Variants in SOCS7 observed in about 807,000 individuals in gnomAD.
SOCS7 encodes the protein NAP-4.
SOCS7 carries 18 observed loss-of-function variants against 58.9 expected under a neutral mutation model. That is an observed-to-expected ratio of 0.31 (90% CI 0.21 to 0.45). The LOEUF (loss-of-function observed/expected upper bound fraction) is 0.45, where lower values mean the gene tolerates loss of function less well. SOCS7 is among the 20% of genes least tolerant of loss of function. SOCS7 has a pLI of 1.00. For synonymous variants in SOCS7, 388 were observed against 364.3 expected (o/e 1.06, Z -0.74); for missense variants, 667 against 837.3 (o/e 0.80, Z 2.51).
At chr17:38,374,764 C>T (rs1461176836) in intron 6 of SOCS7, among the ~76,000 whole-genome samples, 1 of 152,206 alleles carries the variant, frequency 6.6e-6, no homozygotes, top group East Asian at 1.9e-4. Context: ...TCTTCTGAGT[C>T]AGTGCCAGAT....
chr17:38,366,132 C>T lies in SOCS7; in HGVS notation c.1253-155C>T, dbSNP rs943632418. On this transcript the variant is annotated intron_variant, in intron 4 of 9. Coordinates refer to ENST00000612932, the MANE Select transcript of SOCS7 (RefSeq NM_014598.4). ...CACACAGCTTTTTGTTCCAGCCCATCCAGCTCTTTGCCACTGCTTTGGCTT... is the reference window on the plus strand; with the variant it reads ...CACACAGCTTTTTGTTCCAGCCCATTCAGCTCTTTGCCACTGCTTTGGCTT... 3.9e-6 allele frequency: 5 copies of T among 1,280,366 alleles called. No individual in the cohort carries two copies. In the African/African-American group the frequency reaches 7.5e-5, roughly 19 times the overall value. 79.3% of individuals were successfully genotyped at this position (1,280,366 alleles called of 1,614,324 possible). A position where few individuals can be genotyped will look rare whatever the true frequency, so the allele number is the denominator to read the frequency against.
At chr17:38,387,122 T>TAA (rs2038082525) in intron 7 of SOCS7, among the ~76,000 whole-genome samples, 1 of 108,284 alleles carries the variant, frequency 9.2e-6, no homozygotes, top group Non-Finnish European at 1.7e-5. Context: ...TATATATATA[T>TAA]ATATATGTAT....
At chr17:38,375,326 C>A (rs1490136434) in intron 6 of SOCS7, among the ~76,000 whole-genome samples, 2 of 151,542 alleles carry the variant, frequency 1.3e-5, no homozygotes, top group Non-Finnish European at 2.9e-5. Flanking sequence ...CTGAGACACC[C>A]CCCTCTTCCT....
Position 38,394,869 on chromosome 17 carries a change from G to T in SOCS7, c.1682-440G>T, listed in dbSNP as rs1471937005. On this transcript the variant is annotated intron_variant, in intron 7 of 9. Transcript: ENST00000612932. ...GTTCGAGACTAGCCTGGGCAACATG[G>T]GGAAACCCCGTCTCTACTAAAAATA... 3.9e-5 allele frequency among the ~76,000 whole-genome samples: 6 copies of T among 152,190 alleles called. No homozygotes were observed. In the East Asian group the frequency reaches 9.7e-4, roughly 25 times the overall value.
intron 7 of SOCS7, among the ~76,000 whole-genome samples, chr17:38,387,624 ACAATATATTGTATATT>A (rs2038095571): frequency 4.3e-4 from 39 of 90,796 alleles, no homozygotes; most frequent in African/African-American, 3.0e-3. Flanking sequence ...TATTATATAT[ACAATATATTGTATATT>A]ATATACACTA....
chr17:38,367,052 T>G (rs1268399216), intron 5 of SOCS7, among the ~76,000 whole-genome samples: 1 of 140,622 alleles, frequency 7.1e-6, no homozygotes, highest in African/African-American at 3.3e-5. Flanking sequence ...TCTTTGTTTT[T>G]TGTTGTTGTT....
chr17:38,372,718 A>C (rs190728235), intron 6 of SOCS7, among the ~76,000 whole-genome samples: 8 of 152,334 alleles, frequency 5.3e-5, no homozygotes. Flanking sequence ...AGAACATTAC[A>C]AGAAAAATTG....
chr17:38,395,490 T>C (rs2038233478), intron 8 of SOCS7, 46 bp downstream of exon 8: 1 of 1,587,214 alleles, frequency 6.3e-7, no homozygotes. Flanking sequence ...GTAAGGGGGT[T>C]GTGGGGAGGT....
At chr17:38,389,361 G>T (rs972354195) in intron 7 of SOCS7, among the ~76,000 whole-genome samples, 2 of 152,106 alleles carry the variant, frequency 1.3e-5, no homozygotes, top group Non-Finnish European at 2.9e-5. Context: ...CTCAAGACCT[G>T]CCTGGGCAAT....
In SOCS7 at chr17:38,401,103, T is replaced by G. The variant is rs2038312754; in HGVS notation, c.*1621T>G. The G allele has an allele frequency of 6.6e-6, 1 of 152,130 alleles. No homozygotes were observed. Among genetic ancestry groups the G allele is most frequent in the South Asian group, 2.1e-4 (1 of 4,830 alleles). The allele number at this position is 152,130 out of a possible 1,614,324, so 9.4% of individuals were successfully genotyped here. A position where few individuals can be genotyped will look rare whatever the true frequency, so the allele number is the denominator to read the frequency against. The stretch of plus-strand genomic sequence containing the variant: ...GACTGCCTCATCTGGGAGCATTGCC[T>G]TCTTCCTTAGTCCCACGTGGAGTGA... On this transcript the variant is annotated 3_prime_UTR_variant, in exon 10 of 10. Coordinates refer to ENST00000612932, the MANE Select transcript of SOCS7 (RefSeq NM_014598.4).
chr17:38,382,221 G>T (rs1394754403), intron 7 of SOCS7, among the ~76,000 whole-genome samples: 1 of 151,882 alleles, frequency 6.6e-6, no homozygotes. Flanking sequence ...TTGAGCCCAA[G>T]AGTTCTAACT....
Position 38,396,077 on chromosome 17 carries a change from C to G in SOCS7, c.*30+79C>G, listed in dbSNP as rs533729479. On this transcript the variant is annotated intron_variant, in intron 9 of 9. Transcript: ENST00000612932. ...TCATGCATTGAGCCTTGGGCCCCCTCCCCACAACTCCCAACATGGATAGCC... is the reference window on the plus strand; with the variant it reads ...TCATGCATTGAGCCTTGGGCCCCCTGCCCACAACTCCCAACATGGATAGCC... 127 of 1,180,022 alleles carry G rather than the reference C, an allele frequency of 1.1e-4. No homozygotes were observed. The Admixed American group carries it at 2.0e-3, about 18-fold the overall frequency. 73.1% of individuals were successfully genotyped at this position (1,180,022 alleles called of 1,614,324 possible). A position where few individuals can be genotyped will look rare whatever the true frequency, so the allele number is the denominator to read the frequency against.
At position 38,394,274 on chromosome 17, in the gene SOCS7, G is replaced by T. The variant is rs531520739; in HGVS notation, c.1682-1035G>T. On this transcript the variant is annotated intron_variant, in intron 7 of 9. Coordinates refer to ENST00000612932, the MANE Select transcript of SOCS7 (RefSeq NM_014598.4). ...TCAGCAGGCGGGTTTGCACTGAGCG[G>T]TACTAATCCTAGCTTGCCCAAGCGA... Among the ~76,000 whole-genome samples, 7 of 152,284 alleles carry T rather than the reference G, an allele frequency of 4.6e-5. No individual in the cohort carries two copies. In the South Asian group the frequency reaches 1.4e-3, roughly 32 times the overall value.
At chr17:38,383,628 G>A (rs2038030795) in intron 7 of SOCS7, among the ~76,000 whole-genome samples, 1 of 152,104 alleles carries the variant, frequency 6.6e-6, no homozygotes, top group Admixed American at 6.5e-5. Flanking sequence ...CGCAATCTCG[G>A]CTCATCGCAA....
intron 7 of SOCS7, among the ~76,000 whole-genome samples, chr17:38,390,187 C>T (rs1468693983): frequency 2.0e-5 from 3 of 151,906 alleles, no homozygotes; most frequent in Admixed American, 2.0e-4. Context: ...ATACTCTTTC[C>T]CCATTGAATT....
intron 6 of SOCS7, among the ~76,000 whole-genome samples, chr17:38,371,413 A>T (rs2037862453): frequency 6.6e-6 from 1 of 151,660 alleles, no homozygotes; most frequent in Non-Finnish European, 1.5e-5. Flanking sequence ...TAGTTCCTGG[A>T]CGCGTGCCAC....
intron 1 of SOCS7, 63 bp downstream of exon 1, chr17:38,353,095 A>G (rs1344183465): frequency 5.0e-6 from 7 of 1,404,980 alleles, no homozygotes; most frequent in Middle Eastern, 1.8e-4. Flanking sequence ...CTTTTTATCT[A>G]TTGCTATCGC....
In SOCS7 at chr17:38,387,068, C is replaced by T. The variant is rs1327038820; in HGVS notation, c.1682-8241C>T. 5.2e-5 allele frequency among the ~76,000 whole-genome samples: 5 copies of T among 96,422 alleles called. No homozygotes were observed. In the East Asian group the frequency reaches 8.8e-4, roughly 17 times the overall value. 63.3% of individuals were successfully genotyped at this position (96,422 alleles called of 152,430 possible). ...CTGCATTTCAGCCTGGGCGACAGAG[C>T]GAGACTCTTATCTTAAAAAAAAAAA... On this transcript the variant is annotated intron_variant, in intron 7 of 9. Coordinates refer to ENST00000612932, the MANE Select transcript of SOCS7 (RefSeq NM_014598.4).
chr17:38,389,880 T>TACAC lies in SOCS7; in HGVS notation c.1682-5428_1682-5427insCACA, dbSNP rs2038139425. 1.9e-5 allele frequency among the ~76,000 whole-genome samples: 2 copies of TACAC among 104,564 alleles called. 1 individual carries two copies. Among genetic ancestry groups the TACAC allele is most frequent in the African/African-American group, 9.8e-5 (2 of 20,402 alleles). 68.6% of individuals were successfully genotyped at this position (104,564 alleles called of 152,430 possible). A position where few individuals can be genotyped will look rare whatever the true frequency, so the allele number is the denominator to read the frequency against. On this transcript the variant is annotated intron_variant, in intron 7 of 9. Transcript: ENST00000612932. ...GTGTATGTGTGTACATATATATATA[T>TACAC]ATGTACATATATATATATACACATA...
Sources: gnomAD v4.1 joint callset for allele counts (sites outside exome capture counted in the v4.1 genomes callset) on GRCh38, gnomAD v4.1.1 for gene constraint, MANE v1.5 for transcripts, NCBI Gene and HGNC (gene_info 2026-07-23, HGNC 2026-07-21) for gene names.